Variants in ANTXR2 observed in about 807,000 individuals in gnomAD.
The protein encoded by ANTXR2 is ANTXR cell adhesion molecule 2, also known as anthrax toxin receptor 2.
In ANTXR2, 44 loss-of-function variants were observed where a neutral mutation model predicts 73.7. That is an observed-to-expected ratio of 0.60 (90% CI 0.47 to 0.77). The LOEUF (loss-of-function observed/expected upper bound fraction) is 0.77, where lower values mean the gene tolerates loss of function less well. Ranked by LOEUF, ANTXR2 falls within the 30% of genes least tolerant of loss-of-function variation. ANTXR2 has a pLI of 0.00. For synonymous variants in ANTXR2, 217 were observed against 205.9 expected (o/e 1.05, Z -0.46); for missense variants, 604 against 592.5 (o/e 1.02, Z -0.20).
intron 16 of ANTXR2, among the ~76,000 whole-genome samples, chr4:79,915,330 T>C (rs1298826879): frequency 6.6e-6 from 1 of 152,186 alleles, no homozygotes; most frequent in Non-Finnish European, 1.5e-5. Context: ...TGGCCGGTAA[T>C]AGCAGCATTA....
chr4:79,913,588 A>G (rs576328324), intron 16 of ANTXR2, among the ~76,000 whole-genome samples: 31 of 152,154 alleles, frequency 2.0e-4, no homozygotes, highest in Non-Finnish European at 2.8e-4. Context: ...TAATTTCTCT[A>G]TGCAATTAAC....
intron 11 of ANTXR2, among the ~76,000 whole-genome samples, chr4:80,008,888 AT>A (rs1731436432): frequency 6.6e-6 from 1 of 152,194 alleles, no homozygotes. Context: ...TCTAAAAGGA[AT>A]TTAGGAAAAA....
chr4:79,937,229 G>T (rs557033102), intron 16 of ANTXR2, among the ~76,000 whole-genome samples: 1 of 152,012 alleles, frequency 6.6e-6, no homozygotes, highest in East Asian at 1.9e-4. Flanking sequence ...GCTAGCAATA[G>T]GAAAACCTCA....
At chr4:79,973,276 G>T (rs1379763025) in intron 16 of ANTXR2, among the ~76,000 whole-genome samples, 1 of 151,956 alleles carries the variant, frequency 6.6e-6, no homozygotes, top group East Asian at 1.9e-4. Context: ...AGTAGTGGAA[G>T]AATTCTTGCT....
At chr4:80,066,012 T>C (rs1268817652) in intron 3 of ANTXR2, among the ~76,000 whole-genome samples, 1 of 152,224 alleles carries the variant, frequency 6.6e-6, no homozygotes, top group Non-Finnish European at 1.5e-5. Flanking sequence ...ATTTGTTTAC[T>C]GATCTGCATA....
At chr4:79,960,216 G>C (rs192289480) in intron 16 of ANTXR2, among the ~76,000 whole-genome samples, 2 of 152,084 alleles carry the variant, frequency 1.3e-5, no homozygotes, top group South Asian at 2.1e-4. Context: ...GTCAGGAAAT[G>C]GCTCTAGAAA....
At chr4:80,040,476 T>C (rs1200140524) in intron 7 of ANTXR2, among the ~76,000 whole-genome samples, 1 of 152,114 alleles carries the variant, frequency 6.6e-6, no homozygotes, top group African/African-American at 2.4e-5. Flanking sequence ...TTTAATACTT[T>C]GCAACTCCAT....
At chr4:80,070,401 G>A (rs962857955) in intron 2 of ANTXR2, among the ~76,000 whole-genome samples, 3 of 152,182 alleles carry the variant, frequency 2.0e-5, no homozygotes, top group Admixed American at 6.5e-5. Flanking sequence ...ATGTTGTAGT[G>A]ATGTGATTCA....
intron 12 of ANTXR2, among the ~76,000 whole-genome samples, chr4:79,997,055 C>T (rs535523030): frequency 3.3e-5 from 5 of 150,020 alleles, no homozygotes; most frequent in East Asian, 1.9e-4. Flanking sequence ...GGAAGAGAGC[C>T]GATTTCTTTA....
intron 12 of ANTXR2, among the ~76,000 whole-genome samples, chr4:80,003,346 G>A (rs988630391): frequency 7.0e-6 from 1 of 142,896 alleles, no homozygotes; most frequent in East Asian, 2.1e-4. Context: ...TCACTCATAG[G>A]TGGGAATTGA....
At chr4:80,056,053 G>T in intron 3 of ANTXR2, 40 bp from the exon 4 acceptor site, 1 of 1,376,730 alleles carries the variant, frequency 7.3e-7, no homozygotes, top group South Asian at 1.4e-5. Flanking sequence ...TGAGCAAAGA[G>T]CAAAGGTAAC....
chr4:79,926,954 C>CACATGAGAATCTAT (rs10674129), intron 16 of ANTXR2, among the ~76,000 whole-genome samples: 1 of 123,794 alleles, frequency 8.1e-6, no homozygotes, highest in Non-Finnish European at 1.7e-5. Context: ...TGTATATATA[C>CACATGAGAATCTAT]GTGTGCATAT....
rs541283245 is a variant in ANTXR2, at chr4:79,987,179, G to A, written c.1042-2316C>T. On this transcript the variant is annotated intron_variant, in intron 12 of 16. Transcript: ENST00000403729. ...GACACAGAATCAGAATCTGGATGGC[G>A]GAGAAGCCCAGTGAGATACAGGAGA... Among the ~76,000 whole-genome samples, 21 of 151,958 alleles carry A rather than the reference G, an allele frequency of 1.4e-4. No homozygotes were observed. In the East Asian group the frequency reaches 1.5e-3, roughly 11 times the overall value.
At chr4:80,058,913 C>T (rs1166931707) in intron 3 of ANTXR2, among the ~76,000 whole-genome samples, 2 of 152,010 alleles carry the variant, frequency 1.3e-5, no homozygotes, top group Admixed American at 6.6e-5. Context: ...TGACACGCAT[C>T]GTCCCCTATA....
At chr4:79,954,990 T>A (rs1470394770) in intron 16 of ANTXR2, among the ~76,000 whole-genome samples, 1 of 152,206 alleles carries the variant, frequency 6.6e-6, no homozygotes, top group Non-Finnish European at 1.5e-5. Flanking sequence ...TATCTATATG[T>A]GTTTAATGAC....
intron 7 of ANTXR2, among the ~76,000 whole-genome samples, chr4:80,053,035 T>C (rs921985473): frequency 6.6e-6 from 1 of 151,580 alleles, no homozygotes; most frequent in Non-Finnish European, 1.5e-5. Context: ...AGTATAATTA[T>C]AAAAATCATT....
At chr4:79,934,550 A>C (rs1049725873) in intron 16 of ANTXR2, among the ~76,000 whole-genome samples, 5 of 151,836 alleles carry the variant, frequency 3.3e-5, no homozygotes, top group African/African-American at 1.2e-4. Context: ...AACAAAAAAA[A>C]AAAAACACCA....
intron 16 of ANTXR2, among the ~76,000 whole-genome samples, chr4:79,959,037 TA>T (rs1729042470): frequency 6.6e-6 from 1 of 151,610 alleles, no homozygotes; most frequent in Non-Finnish European, 1.5e-5. Flanking sequence ...CAAATGTTTT[TA>T]AAAAATGAAA....
Position 80,008,500 on chromosome 4 carries a change from T to C in ANTXR2, c.1041+21A>G, listed in dbSNP as rs775329148. Reference sequence around the variant, plus strand: ...TCTTTCTAATTTTTTTTAAGTAGAGTTGTAAATCCTTCTTACTCACCACTT... The same window carrying C: ...TCTTTCTAATTTTTTTTAAGTAGAGCTGTAAATCCTTCTTACTCACCACTT... On this transcript the variant is annotated intron_variant, in intron 12 of 16. Coordinates refer to ENST00000403729, the MANE Select transcript of ANTXR2 (RefSeq NM_058172.6). 5 of 1,566,630 alleles carry C rather than the reference T, an allele frequency of 3.2e-6. No individual in the cohort carries two copies. In the East Asian group the frequency reaches 1.1e-4, roughly 36 times the overall value.
Sources: gnomAD v4.1 joint callset for allele counts (sites outside exome capture counted in the v4.1 genomes callset) on GRCh38, gnomAD v4.1.1 for gene constraint, MANE v1.5 for transcripts, NCBI Gene and HGNC (gene_info 2026-07-23, HGNC 2026-07-21) for gene names.